ITFG1: variants seen among roughly 807,000 people sequenced by gnomAD.
ITFG1 encodes the protein T-cell immunomodulatory protein.
A neutral mutation model predicts 81.8 loss-of-function variants in ITFG1; 34 were observed. The ratio of observed to expected loss-of-function variants is 0.42; its 90% confidence interval spans 0.32 to 0.55. The LOEUF is 0.55. Among genes scored for constraint, ITFG1 ranks in the 20% least tolerant of loss-of-function variants. The pLI is 0.17. For synonymous variants in ITFG1, 285 were observed against 270.6 expected, an observed-to-expected ratio of 1.05 and a Z score of -0.52; for missense variants, 672 against 755.4, an observed-to-expected ratio of 0.89 and a Z score of 1.29.
intron 6 of ITFG1, among the ~76,000 whole-genome samples, chr16:47,411,194 T>C (rs1277728146): frequency 6.6e-6 from 1 of 152,028 alleles, no homozygotes; most frequent in Non-Finnish European, 1.5e-5. Context: ...CTCAGAACAC[T>C]GAGAAAAATG....
At chr16:47,295,208 T>C (rs1246271613) in intron 10 of ITFG1, among the ~76,000 whole-genome samples, 1 of 152,226 alleles carries the variant, frequency 6.6e-6, no homozygotes, top group Non-Finnish European at 1.5e-5. Context: ...CTTGCTGTGC[T>C]GTTGGATTCA....
chr16:47,366,171 T>C (rs894915984), intron 7 of ITFG1, among the ~76,000 whole-genome samples: 1 of 152,206 alleles, frequency 6.6e-6, no homozygotes, highest in Non-Finnish European at 1.5e-5. Flanking sequence ...TTTGGAAATG[T>C]AAAGAATTAT....
At chr16:47,442,783 A>G (rs1446006818) in intron 5 of ITFG1, among the ~76,000 whole-genome samples, 1 of 152,218 alleles carries the variant, frequency 6.6e-6, no homozygotes, top group East Asian at 1.9e-4. Flanking sequence ...TGTTAGCCCT[A>G]AAACCATAAA....
chr16:47,230,452 A>G (rs1171502991), intron 13 of ITFG1, among the ~76,000 whole-genome samples: 1 of 152,176 alleles, frequency 6.6e-6, no homozygotes, highest in Admixed American at 6.5e-5. Flanking sequence ...GAGAAAAGAA[A>G]AGAGAGATGG....
At chr16:47,357,994 G>GA (rs1348904502) in intron 8 of ITFG1, among the ~76,000 whole-genome samples, 7 of 152,256 alleles carry the variant, frequency 4.6e-5, no homozygotes, top group Non-Finnish European at 1.0e-4. Flanking sequence ...CTACAAGGTA[G>GA]AAACTCAGGA....
At position 47,316,417 on chromosome 16, in the gene ITFG1, CA is replaced by C. The variant is rs759238573; in HGVS notation, c.803-2595del. Among the ~76,000 whole-genome samples, 9 of 152,280 alleles carry C rather than the reference CA, an allele frequency of 5.9e-5. No homozygotes were observed. The East Asian group carries it at 9.7e-4, about 16-fold the overall frequency. On this transcript the variant is annotated intron_variant, in intron 8 of 17. Coordinates refer to ENST00000320640, the MANE Select transcript of ITFG1 (RefSeq NM_030790.5). Reference sequence around the variant, plus strand: ...TCGGAACCATGTATATAAGTACATACATTAAGGTCCTTTGTCCCTAAATGTA... The same window carrying C: ...TCGGAACCATGTATATAAGTACATACTTAAGGTCCTTTGTCCCTAAATGTA...
At chr16:47,255,704 G>A (rs1966131052) in intron 12 of ITFG1, among the ~76,000 whole-genome samples, 2 of 152,174 alleles carry the variant, frequency 1.3e-5, no homozygotes, top group Non-Finnish European at 2.9e-5. Context: ...CAGGCCCTGT[G>A]TTAGGCACCC....
rs1159240480 is a variant in ITFG1 at position 47,452,753 on chromosome 16, T to C, written c.465A>G (p.Gln155=). 3 of 1,590,084 alleles carry C rather than the reference T, an allele frequency of 1.9e-6. No individual in the cohort carries two copies. The highest frequency in any genetic ancestry group is 2.6e-6 in the Non-Finnish European group (3 of 1,165,270). Residue 155 remains glutamine (Q), a synonymous_variant, in exon 4 of 18, where the codon CAA becomes CAG. Transcript: ENST00000320640. ...NNMTILNRTF[Q]DEPLIMDFNG... is the part of the protein sequence containing the mutation. ...CTTACTCCATAATTAGTGGCTCATCTTGAAAAGTCCTATTGAGTATGGTCA... is the reference window on the plus strand; with the variant it reads ...CTTACTCCATAATTAGTGGCTCATCCTGAAAAGTCCTATTGAGTATGGTCA...
chr16:47,264,591 CAG>C (rs1555506927), intron 10 of ITFG1, among the ~76,000 whole-genome samples: 1 of 140,486 alleles, frequency 7.1e-6, no homozygotes, highest in Non-Finnish European at 1.6e-5. Flanking sequence ...CACACACACA[CAG>C]AGATAGAGAG....
chr16:47,427,548 C>A (rs1456897994), intron 6 of ITFG1, among the ~76,000 whole-genome samples: 1 of 152,162 alleles, frequency 6.6e-6, no homozygotes, highest in African/African-American at 2.4e-5. Flanking sequence ...GTCCCAGCTA[C>A]TTGGGAGGCG....
At chr16:47,237,497 T>G (rs1051228755) in intron 13 of ITFG1, among the ~76,000 whole-genome samples, 3 of 152,238 alleles carry the variant, frequency 2.0e-5, no homozygotes, top group Admixed American at 6.5e-5. Context: ...CTAATTATTT[T>G]CACATTTGTT....
At chr16:47,416,786 C>A (rs538649849) in intron 6 of ITFG1, among the ~76,000 whole-genome samples, 2 of 152,176 alleles carry the variant, frequency 1.3e-5, no homozygotes, top group Non-Finnish European at 2.9e-5. Flanking sequence ...CCACAATAAA[C>A]CCCTTCTTTG....
intron 13 of ITFG1, among the ~76,000 whole-genome samples, chr16:47,231,596 C>T (rs973490199): frequency 3.3e-5 from 5 of 152,126 alleles, no homozygotes; most frequent in Admixed American, 6.5e-5. Flanking sequence ...AAATGGAACA[C>T]CAACATTTCT....
intron 14 of ITFG1, among the ~76,000 whole-genome samples, chr16:47,183,186 G>A (rs925374225): frequency 4.7e-4 from 71 of 152,326 alleles, no homozygotes; most frequent in African/African-American, 1.6e-3. Context: ...ACTGCAAGGC[G>A]GCAGCGAGGC....
chr16:47,290,506 T>A lies in ITFG1; in HGVS notation c.1070+20734A>T, dbSNP rs1966892984. On this transcript the variant is annotated intron_variant, in intron 10 of 17. Transcript: ENST00000320640. ...GCAGTGCTCTGGTATTGAGTGTATT[T>A]ACATTTAGAATTATTATATCCTGTT... 2.0e-5 allele frequency among the ~76,000 whole-genome samples: 3 copies of A among 152,342 alleles called. No homozygotes were observed. The South Asian group carries it at 6.2e-4, about 32-fold the overall frequency.
chr16:47,357,045 A>G (rs1968048758), intron 8 of ITFG1, among the ~76,000 whole-genome samples: 1 of 152,144 alleles, frequency 6.6e-6, no homozygotes. Flanking sequence ...TTGCAATAAA[A>G]AAAAAAAAGA....
At chr16:47,331,062 G>C (rs952779577) in intron 8 of ITFG1, among the ~76,000 whole-genome samples, 36 of 152,048 alleles carry the variant, frequency 2.4e-4, no homozygotes, top group Admixed American at 1.4e-3. Flanking sequence ...GCAAAGACAT[G>C]GAAACAATCT....
At chr16:47,396,086 T>C in intron 6 of ITFG1, 5 of 746,684 alleles carry the variant, frequency 6.7e-6, no homozygotes, top group Non-Finnish European at 8.2e-6. Flanking sequence ...TACGTGATAG[T>C]AGCAGAAAAC....
At chr16:47,239,691 C>T (rs1965912595) in intron 12 of ITFG1, among the ~76,000 whole-genome samples, 1 of 152,118 alleles carries the variant, frequency 6.6e-6, no homozygotes. Flanking sequence ...AAGCAGTTTT[C>T]AATGTTTAAA....
Sources: gnomAD v4.1 joint callset for allele counts (sites outside exome capture counted in the v4.1 genomes callset) on GRCh38, gnomAD v4.1.1 for gene constraint, MANE v1.5 for transcripts, NCBI Gene and HGNC (gene_info 2026-07-23, HGNC 2026-07-21) for gene names.